Variants in VRK2 observed in about 807,000 individuals in gnomAD.
VRK2 encodes the protein serine/threonine-protein kinase VRK2.
Under a neutral mutation model 57.6 loss-of-function variants are expected in VRK2, and 60 were observed. That is an observed-to-expected ratio of 1.04 (90% CI 0.85 to 1.29). VRK2 has a LOEUF of 1.29. Among genes scored for constraint, VRK2 ranks in the 50% most tolerant of loss-of-function variants. VRK2 has a pLI of 0.00. For synonymous variants in VRK2, 231 were observed against 199.2 expected, an observed-to-expected ratio of 1.16 and a Z score of -1.35; for missense variants, 705 against 588.1, an observed-to-expected ratio of 1.20 and a Z score of -2.06.
At chr2:57,928,918 T>C (rs1459342272) in intron 1 of VRK2, among the ~76,000 whole-genome samples, 2 of 152,210 alleles carry the variant, frequency 1.3e-5, no homozygotes, top group African/African-American at 2.4e-5. Context: ...TGGAGTCTCT[T>C]TCTCCATGTT....
chr2:58,035,471 T>C (rs1234913352), intron 3 of VRK2, among the ~76,000 whole-genome samples: 5 of 151,988 alleles, frequency 3.3e-5, no homozygotes, highest in Non-Finnish European at 5.9e-5. Flanking sequence ...CTATGTAGCA[T>C]GAATTATTCT....
intron 5 of VRK2, among the ~76,000 whole-genome samples, 156 bp from the exon 6 acceptor site, chr2:58,088,185 T>G (rs747130154): frequency 5.3e-5 from 8 of 152,226 alleles, no homozygotes; most frequent in Non-Finnish European, 1.0e-4. Flanking sequence ...TGCAAAAGAA[T>G]AGCAGAATTA....
intron 1 of VRK2, among the ~76,000 whole-genome samples, chr2:57,933,649 T>A (rs114028541): frequency 1.0e-3 from 115 of 113,458 alleles, no homozygotes; most frequent in African/African-American, 4.6e-3. Context: ...AGCCTGTAGT[T>A]GAGTTTTTGG....
intron 1 of VRK2, 49 bp from the exon 2 acceptor site, chr2:58,048,778 T>C (rs769676883): frequency 6.3e-7 from 1 of 1,591,698 alleles, no homozygotes; most frequent in Non-Finnish European, 8.6e-7. Flanking sequence ...AAGAGTTTTG[T>C]TTGTTTGTTT....
At chr2:58,073,971 G>A (rs569106352) in intron 2 of VRK2, among the ~76,000 whole-genome samples, 5 of 151,948 alleles carry the variant, frequency 3.3e-5, no homozygotes, top group Non-Finnish European at 7.4e-5. Flanking sequence ...CCCAGCCCAC[G>A]ACTCAAATGC....
chr2:57,972,786 T>C (rs1672135950), intron 1 of VRK2, among the ~76,000 whole-genome samples: 1 of 151,894 alleles, frequency 6.6e-6, no homozygotes, highest in Non-Finnish European at 1.5e-5. Flanking sequence ...AATCATTCAT[T>C]GTTGTCTACA....
At chr2:58,103,574 C>T (rs144854165) in intron 7 of VRK2, among the ~76,000 whole-genome samples, 7 of 151,240 alleles carry the variant, frequency 4.6e-5, no homozygotes, top group African/African-American at 1.4e-4. Flanking sequence ...GAGACCAATA[C>T]GAAAGTAGCG....
At chr2:57,972,619 ATTTTGT>A in intron 1 of VRK2, among the ~76,000 whole-genome samples, 1 of 151,964 alleles carries the variant, frequency 6.6e-6, no homozygotes, top group Middle Eastern at 3.4e-3. Context: ...TCTCATTTTA[ATTTTGT>A]TTTTAACTGT....
chr2:58,114,655 T>G (rs369228836), intron 7 of VRK2, among the ~76,000 whole-genome samples: 2 of 151,864 alleles, frequency 1.3e-5, no homozygotes, highest in East Asian at 1.9e-4. Flanking sequence ...GTTCTACTTT[T>G]CTTGAAGACG....
At chr2:57,980,198 G>A (rs1672379312) in intron 1 of VRK2, among the ~76,000 whole-genome samples, 1 of 152,042 alleles carries the variant, frequency 6.6e-6, no homozygotes, top group African/African-American at 2.4e-5. Flanking sequence ...TCTTAACACT[G>A]CTTTAGCTGT....
chr2:57,987,050 T>G (rs1439113596), intron 1 of VRK2, among the ~76,000 whole-genome samples: 1 of 151,930 alleles, frequency 6.6e-6, no homozygotes, highest in Non-Finnish European at 1.5e-5. Flanking sequence ...TATACAAAAA[T>G]TAAATCCAAA....
chr2:57,978,747 A>G (rs1422640629), intron 1 of VRK2, among the ~76,000 whole-genome samples: 1 of 147,640 alleles, frequency 6.8e-6, no homozygotes, highest in Non-Finnish European at 1.5e-5. Context: ...ATAGGTATAC[A>G]TGTGTCATGG....
chr2:58,147,200 A>C lies in VRK2; in HGVS notation c.1182+726A>C, dbSNP rs182318239. 1.2e-3 allele frequency: 636 copies of C among 518,002 alleles called. 1 individual carries two copies. The highest frequency in any genetic ancestry group is 9.8e-3 in the African/African-American group (509 of 51,992). The allele number at this position is 518,002 out of a possible 1,614,324, so 32.1% of individuals were successfully genotyped here. On this transcript the variant is annotated intron_variant, in intron 12 of 12. Coordinates refer to ENST00000340157, the MANE Select transcript of VRK2 (RefSeq NM_006296.7). ...ATATTAATCACTAAACTGAGCACTG[A>C]ATTTGGCTCTGAACTTCTTGACAGC...
intron 3 of VRK2, among the ~76,000 whole-genome samples, chr2:58,039,372 G>A (rs1249661846): frequency 6.6e-6 from 1 of 151,848 alleles, no homozygotes. Flanking sequence ...CAGAGCAGCT[G>A]TTCTCCACAA....
chr2:58,095,497 T>C (rs924220670), intron 7 of VRK2, among the ~76,000 whole-genome samples: 15 of 152,180 alleles, frequency 9.9e-5, no homozygotes, highest in African/African-American at 3.1e-4. Flanking sequence ...ATATTTCTTA[T>C]TATGTTTGTT....
intron 11 of VRK2, among the ~76,000 whole-genome samples, chr2:58,143,298 T>C (rs1383767785): frequency 6.6e-6 from 1 of 151,968 alleles, no homozygotes; most frequent in Non-Finnish European, 1.5e-5. Flanking sequence ...CTCATTTTCA[T>C]ACCTACTTTC....
chr2:58,008,472 T>C (rs768963136), intron 1 of VRK2, among the ~76,000 whole-genome samples: 25 of 151,866 alleles, frequency 1.6e-4, no homozygotes, highest in Non-Finnish European at 3.4e-4. Flanking sequence ...TATTTAACAA[T>C]AATGCCTAAT....
chr2:58,049,084 A>C (rs1675316505), intron 2 of VRK2, 117 bp downstream of exon 2: 1 of 1,280,110 alleles, frequency 7.8e-7, no homozygotes, highest in East Asian at 2.5e-5. Flanking sequence ...ATTAAAATTC[A>C]TGATTGTACT....
chr2:58,159,305 ACTCACGT>A, intron 12 of VRK2, 37 bp from the exon 13 acceptor site: 1 of 1,419,170 alleles, frequency 7.0e-7, no homozygotes. Context: ...TACTTGGATA[ACTCACGT>A]CTAACAAACT....
Sources: allele counts gnomAD v4.1 joint callset (sites outside exome capture counted in the v4.1 genomes callset), GRCh38; gene constraint gnomAD v4.1.1; transcripts MANE v1.5; gene names NCBI Gene and HGNC (gene_info 2026-07-23, HGNC 2026-07-21).